Variants in YKT6 observed in about 807,000 individuals in gnomAD.
YKT6 encodes the protein synaptobrevin homolog YKT6.
YKT6 carries 12 observed loss-of-function variants against 29.3 expected under a neutral mutation model. The observed-to-expected ratio is 0.41, with a 90% confidence interval of 0.26 to 0.66. The LOEUF (loss-of-function observed/expected upper bound fraction) is 0.66, where lower values mean the gene tolerates loss of function less well. Among genes scored for constraint, YKT6 ranks in the 30% least tolerant of loss-of-function variants. YKT6 has a pLI of 0.32. For synonymous variants in YKT6, 86 were observed against 94.3 expected, an observed-to-expected ratio of 0.91 and a Z score of 0.51; for missense variants, 188 against 243.8, an observed-to-expected ratio of 0.77 and a Z score of 1.52.
In YKT6 at chr7:44,204,666, A is replaced by G; in HGVS notation, c.187+16A>G. 1.2e-6 allele frequency: 2 copies of G among 1,613,994 alleles called. No individual in the cohort carries two copies. The highest frequency in any genetic ancestry group is 2.2e-5 in the East Asian group (1 of 44,884). On this transcript the variant is annotated intron_variant, in intron 2 of 6. Coordinates refer to ENST00000223369, the MANE Select transcript of YKT6 (RefSeq NM_006555.4). ...AAAGAACAAGGTAAGAAGACCCTCC[A>G]ACTTCTGTGCGTGTGCTGGCCTGGC...
At chr7:44,201,498 C>T (rs2096335693) in intron 1 of YKT6, among the ~76,000 whole-genome samples, 1 of 152,210 alleles carries the variant, frequency 6.6e-6, no homozygotes, top group Non-Finnish European at 1.5e-5. Flanking sequence ...TGGACTCTAC[C>T]TTTGAGGAAC....
At chr7:44,208,274 C>A in intron 5 of YKT6, 76 bp downstream of exon 5, 1 of 1,501,310 alleles carries the variant, frequency 6.7e-7, no homozygotes, top group Non-Finnish European at 9.2e-7. Context: ...ATGCACAGAT[C>A]CATCCTCGTT....
rs1274333899 is a variant in YKT6 at position 44,210,887 on chromosome 7, T to G, written c.460-136T>G. ...ACAGTAACTATTCTTGGACCGAGTC[T>G]CGACACCTAGAGGTGAAGTTTGTGT... On this transcript the variant is annotated intron_variant, in intron 5 of 6. Coordinates refer to ENST00000223369, the MANE Select transcript of YKT6 (RefSeq NM_006555.4). The G allele has an allele frequency of 3.8e-6, 3 of 799,976 alleles. No homozygotes were observed. In the African/African-American group the frequency reaches 5.1e-5, roughly 14 times the overall value. The allele number at this position is 799,976 out of a possible 1,614,324, so 49.6% of individuals were successfully genotyped here. A position where few individuals can be genotyped will look rare whatever the true frequency, so the allele number is the denominator to read the frequency against.
rs773820098 is a variant in YKT6 at position 44,201,083 on chromosome 7, C to T, written c.-53C>T. On this transcript the variant is annotated 5_prime_UTR_variant, in exon 1 of 7. Transcript: ENST00000223369. ...CCGAGGGGCGGCGGCCGCGCTGCTC[C>T]CTGAGAACGGGTCCCGCAGCTGGGC... 1 of 1,496,482 alleles carries T rather than the reference C, an allele frequency of 6.7e-7. No individual in the cohort carries two copies. The highest frequency in any genetic ancestry group is 9.0e-7 in the Non-Finnish European group (1 of 1,114,720). The allele number at this position is 1,496,482 out of a possible 1,614,324, so 92.7% of individuals were successfully genotyped here.
At chr7:44,205,114 A>C (rs749647963) in intron 2 of YKT6, among the ~76,000 whole-genome samples, 1 of 152,232 alleles carries the variant, frequency 6.6e-6, no homozygotes, top group Non-Finnish European at 1.5e-5. Flanking sequence ...AAAGAGTTAC[A>C]TGAGTTTCAT....
rs1375822929 is a variant in YKT6, at chr7:44,212,317, C to T, written c.*35C>T. ...CCAGAGGCCCAATGCTGGAATGGCA[C>T]CATCATTCACATCAGAACTGCAGCC... On this transcript the variant is annotated 3_prime_UTR_variant, in exon 7 of 7. Transcript: ENST00000223369. The T allele has an allele frequency of 1.9e-6, 3 of 1,611,784 alleles. No homozygotes were observed. The highest frequency in any genetic ancestry group is 1.3e-5 in the African/African-American group (1 of 74,902).
Position 44,212,146 on chromosome 7 carries a change from T to A in YKT6, c.562-101T>A. 8 of 1,421,618 alleles carry A rather than the reference T, an allele frequency of 5.6e-6. No homozygotes were observed. The South Asian group carries it at 9.4e-5, about 17-fold the overall frequency. 88.1% of individuals were successfully genotyped at this position (1,421,618 alleles called of 1,614,324 possible). A position where few individuals can be genotyped will look rare whatever the true frequency, so the allele number is the denominator to read the frequency against. ...CTGTTCTAGTGCTAGTTTCTCTGCCTGGCTGTGTCCTGTGGAGCTCCCTCT... is the reference window on the plus strand; with the variant it reads ...CTGTTCTAGTGCTAGTTTCTCTGCCAGGCTGTGTCCTGTGGAGCTCCCTCT... On this transcript the variant is annotated intron_variant, in intron 6 of 6. Transcript: ENST00000223369.
intron 6 of YKT6, 124 bp downstream of exon 6, chr7:44,211,248 C>T (rs2096346514): frequency 1.1e-6 from 1 of 922,874 alleles, no homozygotes; most frequent in Non-Finnish European, 1.6e-6. Context: ...GTGGATGATT[C>T]CTTGTGCGGC....
intron 1 of YKT6, among the ~76,000 whole-genome samples, chr7:44,202,383 TC>T (rs2096336726): frequency 6.6e-6 from 1 of 152,212 alleles, no homozygotes; most frequent in Non-Finnish European, 1.5e-5. Context: ...GCCATCACTG[TC>T]AATCGTCTCC....
chr7:44,209,581 T>C (rs955398391), intron 5 of YKT6, among the ~76,000 whole-genome samples: 2 of 152,254 alleles, frequency 1.3e-5, no homozygotes, highest in African/African-American at 4.8e-5. Context: ...TTGTAAAATC[T>C]AGATGATTGG....
At chr7:44,207,240 C>G (rs1403964348) in intron 3 of YKT6, 148 bp from the exon 4 acceptor site, 1 of 549,856 alleles carries the variant, frequency 1.8e-6, no homozygotes, top group African/African-American at 1.9e-5. Context: ...TTCTCTGTTG[C>G]CATTATATGT....
In YKT6 at chr7:44,207,150, G is replaced by C. The variant is rs371934329; in HGVS notation, c.289-238G>C. ...TACTCCCCAAGTGAGGTTCATCTCG[G>C]GCTGGGCATACTTTTGATTCTCAGA... On this transcript the variant is annotated intron_variant, in intron 3 of 6. Transcript: ENST00000223369. 3.3e-5 allele frequency among the ~76,000 whole-genome samples: 5 copies of C among 152,082 alleles called. No individual in the cohort carries two copies. The East Asian group carries it at 5.8e-4, about 18-fold the overall frequency.
At chr7:44,209,513 C>T (rs142564229) in intron 5 of YKT6, among the ~76,000 whole-genome samples, 9 of 152,328 alleles carry the variant, frequency 5.9e-5, no homozygotes, top group Admixed American at 1.3e-4. Context: ...CGCTGTTTCT[C>T]CTCTCCCCAC....
At chr7:44,212,189 T>C (rs531831774) in intron 6 of YKT6, 58 bp from the exon 7 acceptor site, 1 of 1,610,438 alleles carries the variant, frequency 6.2e-7, no homozygotes, top group South Asian at 1.1e-5. Flanking sequence ...CTGCCAGGAT[T>C]GGGGCTTCCC....
chr7:44,206,505 C>T lies in YKT6; in HGVS notation c.288+20C>T. On this transcript the variant is annotated intron_variant, in intron 3 of 6. Coordinates refer to ENST00000223369, the MANE Select transcript of YKT6 (RefSeq NM_006555.4). ...GAGAAGGTGAGTTTTTTATTTGCCTCTCCTGGACTTGGATGATGAATGGGC... is the reference window on the plus strand; with the variant it reads ...GAGAAGGTGAGTTTTTTATTTGCCTTTCCTGGACTTGGATGATGAATGGGC... 1 of 1,606,500 alleles carries T rather than the reference C, an allele frequency of 6.2e-7. No individual in the cohort carries two copies. The highest frequency in any genetic ancestry group is 1.8e-4 in the Middle Eastern group (1 of 5,430).
At chr7:44,208,378 T>A (rs2128839941) in intron 5 of YKT6, 180 bp downstream of exon 5, 1 of 604,180 alleles carries the variant, frequency 1.7e-6, no homozygotes, top group African/African-American at 1.9e-5. Context: ...TATACCCTTC[T>A]CTTGGTTAAT....
At chr7:44,208,282 G>C in intron 5 of YKT6, 84 bp downstream of exon 5, 12 of 1,455,628 alleles carry the variant, frequency 8.2e-6, no homozygotes, top group Non-Finnish European at 1.1e-5. Context: ...ATCCATCCTC[G>C]TTTTAATATA....
intron 5 of YKT6, chr7:44,208,407 G>A (rs1050930136): frequency 3.8e-6 from 2 of 531,584 alleles, no homozygotes; most frequent in African/African-American, 3.8e-5. Flanking sequence ...TTGTTTCTAG[G>A]GGACCAAGCT....
intron 5 of YKT6, chr7:44,208,399 GT>G (rs1583648493): frequency 1.8e-6 from 1 of 545,030 alleles, no homozygotes; most frequent in East Asian, 3.2e-5. Context: ...GGCACCCATT[GT>G]TTCTAGGGGA....
Sources: allele counts gnomAD v4.1 joint callset (sites outside exome capture counted in the v4.1 genomes callset), GRCh38; gene constraint gnomAD v4.1.1; transcripts MANE v1.5; gene names NCBI Gene and HGNC (gene_info 2026-07-23, HGNC 2026-07-21).